Variants in BACE2 observed in about 807,000 individuals in gnomAD.
BACE2 encodes 56 kDa aspartic-like protease.
BACE2 carries 17 observed loss-of-function variants against 46.2 expected under a neutral mutation model. That is an observed-to-expected ratio of 0.37 (90% CI 0.25 to 0.55). The LOEUF is 0.55. BACE2 is among the 20% of genes least tolerant of loss of function. The pLI, the probability that BACE2 is intolerant of heterozygous loss-of-function variation, is 0.82. For synonymous variants in BACE2, 277 were observed against 295.9 expected, an observed-to-expected ratio of 0.94 and a Z score of 0.66; for missense variants, 595 against 698.1, an observed-to-expected ratio of 0.85 and a Z score of 1.66.
At position 41,207,228 on chromosome 21, in the gene BACE2, G is replaced by A. The variant is rs373541629; in HGVS notation, c.313-19038G>A. 1.2e-4 allele frequency among the ~76,000 whole-genome samples: 19 copies of A among 152,288 alleles called. No homozygotes were observed. The East Asian group carries it at 2.9e-3, about 23-fold the overall frequency. Reference sequence around the variant, plus strand: ...ATAATGGGTTCTTAGGGGTTCTTTCGGAGTGGCTTTAGTTGTCGCTTGGGA... The same window carrying A: ...ATAATGGGTTCTTAGGGGTTCTTTCAGAGTGGCTTTAGTTGTCGCTTGGGA... On this transcript the variant is annotated intron_variant, in intron 1 of 8. Transcript: ENST00000330333.
At chr21:41,229,272 A>C (rs780611692) in intron 2 of BACE2, among the ~76,000 whole-genome samples, 2 of 152,202 alleles carry the variant, frequency 1.3e-5, no homozygotes, top group Non-Finnish European at 2.9e-5. Flanking sequence ...ACACACGTGG[A>C]GCTTGCATTT....
intron 1 of BACE2, among the ~76,000 whole-genome samples, chr21:41,170,118 A>C (rs1984550990): frequency 6.6e-6 from 1 of 152,074 alleles, no homozygotes; most frequent in East Asian, 1.9e-4. Flanking sequence ...GGGTGGTCTG[A>C]GGGCTATGAT....
chr21:41,270,887 T>C (rs2088427620), intron 8 of BACE2, among the ~76,000 whole-genome samples: 1 of 152,246 alleles, frequency 6.6e-6, no homozygotes, highest in Non-Finnish European at 1.5e-5. Flanking sequence ...TGCTCTATTA[T>C]TGAGAAACGG....
intron 1 of BACE2, among the ~76,000 whole-genome samples, chr21:41,221,990 G>A (rs1174197490): frequency 6.6e-6 from 1 of 152,192 alleles, no homozygotes; most frequent in African/African-American, 2.4e-5. Flanking sequence ...CCCCGTGAAT[G>A]GCATGATTGC....
chr21:41,247,132 G>A (rs1987493150), intron 6 of BACE2, among the ~76,000 whole-genome samples: 1 of 152,210 alleles, frequency 6.6e-6, no homozygotes, highest in Admixed American at 6.5e-5. Flanking sequence ...TCAAAGAGTG[G>A]CCGATAGGAG....
rs1350623661 is a variant in BACE2, at chr21:41,168,344, G to A, written c.81G>A (p.Ala27=). 4 of 1,374,420 alleles carry A rather than the reference G, an allele frequency of 2.9e-6. No homozygotes were observed. Among genetic ancestry groups the A allele is most frequent in the African/African-American group, 3.0e-5 (2 of 65,678 alleles). 85.1% of individuals were successfully genotyped at this position (1,374,420 alleles called of 1,614,324 possible). Residue 27 remains alanine (A), a synonymous_variant, in exon 1 of 9, where the codon GCG becomes GCA. Coordinates refer to ENST00000330333, the MANE Select transcript of BACE2 (RefSeq NM_012105.5). ...GCGCCGCCCCGGAGCTGGCCCCCGC[G>A]CCCTTCACGCTGCCCCTCCGGGTGG... ...LLRAAPELAP[A]PFTLPLRVAA...
chr21:41,218,869 CTT>C (rs60516597), intron 1 of BACE2, among the ~76,000 whole-genome samples: 2 of 145,016 alleles, frequency 1.4e-5, no homozygotes, highest in Admixed American at 6.8e-5. Flanking sequence ...AACATCTTGA[CTT>C]TTTTTTTTTT....
intron 8 of BACE2, among the ~76,000 whole-genome samples, chr21:41,269,857 C>T (rs1050216629): frequency 3.3e-5 from 5 of 152,158 alleles, no homozygotes; most frequent in African/African-American, 1.2e-4. Flanking sequence ...GGATAAACAC[C>T]TAGGAGTAGA....
chr21:41,192,546 G>A (rs114123079), intron 1 of BACE2, among the ~76,000 whole-genome samples: 9,697 of 152,258 alleles, frequency 0.064, 404 homozygotes, highest in Non-Finnish European at 0.093. Context: ...CTCAGAAGGA[G>A]AGTAGTTATC....
chr21:41,200,027 C>G (rs923418417), intron 1 of BACE2, among the ~76,000 whole-genome samples: 9 of 123,306 alleles, frequency 7.3e-5, no homozygotes, highest in African/African-American at 2.5e-4. Context: ...CATCACACAC[C>G]AGGGCCTGTT....
chr21:41,216,954 T>TG (rs1164003289), intron 1 of BACE2, among the ~76,000 whole-genome samples: 4 of 152,128 alleles, frequency 2.6e-5, no homozygotes, highest in Non-Finnish European at 5.9e-5. Context: ...TTCTCTGAGA[T>TG]GGAGTCTCGC....
intron 1 of BACE2, among the ~76,000 whole-genome samples, chr21:41,216,306 T>G (rs1986464430): frequency 6.6e-6 from 1 of 152,240 alleles, no homozygotes; most frequent in Non-Finnish European, 1.5e-5. Context: ...TGCCTGACTC[T>G]GTGGCTGCCT....
chr21:41,231,608 T>C (rs1018937723), intron 2 of BACE2, among the ~76,000 whole-genome samples: 1 of 152,204 alleles, frequency 6.6e-6, no homozygotes, highest in Admixed American at 6.5e-5. Flanking sequence ...GTTCAATTGA[T>C]TTCACTTTTT....
chr21:41,168,353 G>T lies in BACE2; in HGVS notation c.90G>T (p.Thr30=). The T allele has an allele frequency of 7.2e-7, 1 of 1,384,894 alleles. No individual in the cohort carries two copies. The allele number at this position is 1,384,894 out of a possible 1,614,324, so 85.8% of individuals were successfully genotyped here. ...AAPELAPAPF[T]LPLRVAAATN... is the part of the protein sequence containing the mutation. ...CGGAGCTGGCCCCCGCGCCCTTCAC[G>T]CTGCCCCTCCGGGTGGCCGCGGCCA... Residue 30 remains threonine, a synonymous_variant, in exon 1 of 9, where the codon ACG becomes ACT. Transcript: ENST00000330333.
chr21:41,250,632 C>T (rs1243398276), intron 6 of BACE2, 120 bp from the exon 7 acceptor site: 1 of 861,986 alleles, frequency 1.2e-6, no homozygotes, highest in East Asian at 2.4e-5. Context: ...GCTGTTCTGT[C>T]CAAATTAAAC....
chr21:41,179,815 C>T (rs1394413609), intron 1 of BACE2: 2 of 465,880 alleles, frequency 4.3e-6, no homozygotes, highest in South Asian at 1.9e-5. Context: ...GTGTCCTGGG[C>T]TGCTTTCTCC....
At chr21:41,218,432 G>T (rs933447471) in intron 1 of BACE2, among the ~76,000 whole-genome samples, 1 of 152,208 alleles carries the variant, frequency 6.6e-6, no homozygotes, top group Admixed American at 6.5e-5. Flanking sequence ...GGAAGATGGT[G>T]TCCAACTTTG....
chr21:41,278,583 G>A lies in BACE2; in HGVS notation c.*2959G>A, dbSNP rs904933368. 2.6e-5 allele frequency: 4 copies of A among 152,200 alleles called. No individual in the cohort carries two copies. Among genetic ancestry groups the A allele is most frequent in the Non-Finnish European group, 4.4e-5 (3 of 68,046 alleles). The allele number at this position is 152,200 out of a possible 1,614,324, so 9.4% of individuals were successfully genotyped here. On this transcript the variant is annotated 3_prime_UTR_variant, in exon 9 of 9. Coordinates refer to ENST00000330333, the MANE Select transcript of BACE2 (RefSeq NM_012105.5). ...GGTTTTGGTTGGAGATAAATTTGGG[G>A]TCAGTTACTGTTCAAAATTGTGAAA...
intron 8 of BACE2, among the ~76,000 whole-genome samples, chr21:41,274,784 G>A (rs1233454589): frequency 6.6e-6 from 1 of 152,136 alleles, no homozygotes; most frequent in East Asian, 1.9e-4. Flanking sequence ...AGTGGGGCAG[G>A]GAGGGTCTCT....
Sources: allele counts gnomAD v4.1 joint callset (sites outside exome capture counted in the v4.1 genomes callset), GRCh38; gene constraint gnomAD v4.1.1; transcripts MANE v1.5; gene names NCBI Gene and HGNC (gene_info 2026-07-23, HGNC 2026-07-21).